MAGI1: variants seen among roughly 807,000 people sequenced by gnomAD.
MAGI1 encodes the protein membrane associated guanylate kinase, WW and PDZ domain containing 1.
In MAGI1, 58 loss-of-function variants were observed where a neutral mutation model predicts 139.9. The observed-to-expected ratio is 0.41, with a 90% CI of 0.34 to 0.52. The LOEUF (loss-of-function observed/expected upper bound fraction) is 0.52, where lower values mean the gene tolerates loss of function less well. MAGI1 is among the 20% of genes least tolerant of loss of function. The pLI is 0.12. For synonymous variants in MAGI1, 812 were observed against 737.9 expected (o/e 1.10, Z -1.63); for missense variants, 1,874 against 1,901.6 (o/e 0.99, Z 0.27).
At chr3:65,779,118 T>C (rs1240685350) in intron 1 of MAGI1, among the ~76,000 whole-genome samples, 1 of 152,334 alleles carries the variant, frequency 6.6e-6, no homozygotes, top group East Asian at 1.9e-4. Context: ...TTTCCAAAAG[T>C]TGTACTTTGC....
chr3:65,689,365 T>C (rs1306545457), intron 1 of MAGI1, among the ~76,000 whole-genome samples: 1 of 152,220 alleles, frequency 6.6e-6, no homozygotes, highest in African/African-American at 2.4e-5. Flanking sequence ...TACCAAAGTG[T>C]CCCACCAGCA....
At chr3:65,468,907 G>T (rs867854983) in intron 5 of MAGI1, among the ~76,000 whole-genome samples, 11 of 149,668 alleles carry the variant, frequency 7.3e-5, no homozygotes, top group African/African-American at 2.7e-4. Context: ...CTGCACTCTA[G>T]CCCAGGCAAT....
chr3:65,719,894 C>T (rs560826694), intron 1 of MAGI1: 1 of 152,302 alleles, frequency 6.6e-6, no homozygotes, highest in East Asian at 1.9e-4. Flanking sequence ...CAGTGTCAAA[C>T]TTAAAAATGT....
intron 14 of MAGI1, among the ~76,000 whole-genome samples, chr3:65,384,339 C>T (rs1466638416): frequency 2.6e-5 from 4 of 152,282 alleles, no homozygotes; most frequent in African/African-American, 9.6e-5. Context: ...GTGATGAATA[C>T]GTACAGATTT....
At chr3:65,609,641 G>C (rs944092782) in intron 2 of MAGI1, 2 of 156,724 alleles carry the variant, frequency 1.3e-5, no homozygotes, top group Non-Finnish European at 2.8e-5. Context: ...CTGAAGTGCA[G>C]TGGCATGCTC....
intron 7 of MAGI1, among the ~76,000 whole-genome samples, chr3:65,445,241 A>T (rs1948602961): frequency 6.6e-6 from 1 of 152,160 alleles, no homozygotes; most frequent in Admixed American, 6.6e-5. Context: ...TACTTACTTA[A>T]CATCTCTGAA....
intron 2 of MAGI1, among the ~76,000 whole-genome samples, chr3:65,512,149 C>A (rs374210690): frequency 1.1e-5 from 1 of 92,036 alleles, no homozygotes; most frequent in African/African-American, 3.6e-5. Flanking sequence ...GGGACGCATT[C>A]AAAGCAGTGT....
At chr3:65,618,631 A>G (rs887744288) in intron 2 of MAGI1, among the ~76,000 whole-genome samples, 2 of 152,094 alleles carry the variant, frequency 1.3e-5, no homozygotes, top group African/African-American at 4.8e-5. Context: ...TATTACTAAT[A>G]ACACCCAACT....
intron 1 of MAGI1, among the ~76,000 whole-genome samples, chr3:65,953,293 C>G (rs375672942): frequency 5.3e-5 from 8 of 152,142 alleles, no homozygotes; most frequent in Non-Finnish European, 1.0e-4. Context: ...GATTTCCAGA[C>G]GAAACCAAAG....
intron 10 of MAGI1, among the ~76,000 whole-genome samples, chr3:65,435,722 G>A (rs1042815931): frequency 2.0e-5 from 3 of 152,168 alleles, no homozygotes; most frequent in Admixed American, 6.5e-5. Context: ...TAAATGTGAA[G>A]TACAGGATGG....
chr3:65,444,461 TC>T (rs11359130), intron 7 of MAGI1, among the ~76,000 whole-genome samples: 43,075 of 152,052 alleles, frequency 0.28, 6,340 homozygotes, highest in African/African-American at 0.31. Flanking sequence ...GCATTAAGTT[TC>T]ATAGAAACGC....
chr3:65,578,271 C>T (rs1003346668), intron 2 of MAGI1, among the ~76,000 whole-genome samples: 2 of 152,102 alleles, frequency 1.3e-5, no homozygotes, highest in African/African-American at 2.4e-5. Context: ...GAATCACACA[C>T]AGAAACATGG....
rs925042605 is a variant in MAGI1, at chr3:65,741,348, G to A, written c.314-119260C>T. Among the ~76,000 whole-genome samples the A allele has an allele frequency of 2.0e-5, 3 of 151,948 alleles. 1 individual carries two copies. Among genetic ancestry groups the A allele is most frequent in the Non-Finnish European group, 4.4e-5 (3 of 67,990 alleles). ...CGCCACCACGCTTGGCTAATTTTTT[G>A]TATTTTTAGTAGAGACAGGGTTTCA... is the stretch of plus-strand genomic sequence containing the variant. On this transcript the variant is annotated intron_variant, in intron 1 of 22. Transcript: ENST00000402939.
intron 1 of MAGI1, among the ~76,000 whole-genome samples, chr3:65,910,674 C>G (rs773621143): frequency 2.0e-5 from 3 of 151,846 alleles, no homozygotes; most frequent in Non-Finnish European, 4.4e-5. Context: ...AAACGAGTGC[C>G]CCCAACCTCC....
chr3:65,735,920 C>T (rs1244946705), intron 1 of MAGI1, among the ~76,000 whole-genome samples: 5 of 152,180 alleles, frequency 3.3e-5, no homozygotes, highest in Admixed American at 6.5e-5. Flanking sequence ...CTTACCTCCA[C>T]AGTCAGATTT....
intron 1 of MAGI1, among the ~76,000 whole-genome samples, chr3:65,625,128 G>A (rs959927095): frequency 3.3e-5 from 5 of 152,156 alleles, no homozygotes; most frequent in East Asian, 3.9e-4. Context: ...CCACCTCGGC[G>A]TCCCAAAGTG....
At chr3:65,466,525 T>C (rs1950183937) in intron 5 of MAGI1, among the ~76,000 whole-genome samples, 2 of 152,154 alleles carry the variant, frequency 1.3e-5, no homozygotes, top group African/African-American at 4.8e-5. Context: ...CCTTTGTTGA[T>C]ACCAGCTAGG....
chr3:65,966,944 C>T (rs754003658), intron 1 of MAGI1, among the ~76,000 whole-genome samples: 4 of 152,102 alleles, frequency 2.6e-5, no homozygotes, highest in Non-Finnish European at 4.4e-5. Flanking sequence ...TTTTAAGTGT[C>T]GTACATGTAT....
chr3:65,894,853 C>G (rs778332594), intron 1 of MAGI1, among the ~76,000 whole-genome samples: 4 of 152,236 alleles, frequency 2.6e-5, no homozygotes, highest in Admixed American at 6.5e-5. Context: ...AATTTCATAA[C>G]ACATCTTTAT....
Sources: allele counts gnomAD v4.1 joint callset (sites outside exome capture counted in the v4.1 genomes callset), GRCh38; gene constraint gnomAD v4.1.1; transcripts MANE v1.5; gene names NCBI Gene and HGNC (gene_info 2026-07-23, HGNC 2026-07-21).